SYT16: variants seen among roughly 807,000 people sequenced by gnomAD.
The protein encoded by SYT16 is synaptotagmin 16, also known as synaptotagmin-16.
SYT16 carries 42 observed loss-of-function variants against 61.4 expected under a neutral mutation model. The observed-to-expected ratio is 0.68, with a 90% CI of 0.53 to 0.89. The LOEUF is 0.89. SYT16 is among the 40% of genes least tolerant of loss of function. The probability of loss-of-function intolerance (pLI) is 0.00; values close to 1 mark genes in which losing one functional copy is unlikely to be tolerated. For synonymous variants in SYT16, 314 were observed against 302.3 expected (o/e 1.04, Z -0.40); for missense variants, 804 against 807.3 (o/e 1.00, Z 0.05).
At chr14:62,006,519 G>T (rs2053232670) in intron 3 of SYT16, among the ~76,000 whole-genome samples, 1 of 152,146 alleles carries the variant, frequency 6.6e-6, no homozygotes, top group African/African-American at 2.4e-5. Context: ...CAAAACAAGA[G>T]GGATGCTGAA....
chr14:62,081,256 G>A lies in SYT16; in HGVS notation c.1416G>A (p.Glu472=). ...EGEMKVTLVL[E]PRSNISSGGS... is the part of the protein sequence containing the mutation. ...AAATGAAAGTGACTCTGGTTCTGGA[G>A]CCAAGAAGTAATATAAGCGTGAGTA... The change falls in exon 6 of 8, where the codon GAG becomes GAA. Residue 472 remains glutamate (E), a synonymous_variant. Transcript: ENST00000683842. The A allele has an allele frequency of 6.2e-7, 1 of 1,613,702 alleles. No homozygotes were observed. Among genetic ancestry groups the A allele is most frequent in the Non-Finnish European group, 8.5e-7 (1 of 1,179,778 alleles).
In SYT16 at chr14:62,001,822, C is replaced by T. The variant is rs1277752873; in HGVS notation, c.523+5280C>T. Among the ~76,000 whole-genome samples the T allele has an allele frequency of 3.3e-5, 5 of 152,046 alleles. 1 individual carries two copies. The East Asian group carries it at 9.7e-4, about 30-fold the overall frequency. On this transcript the variant is annotated intron_variant, in intron 3 of 7. Transcript: ENST00000683842. Reference sequence around the variant, plus strand: ...GTTCAGCTTGGGTAGTACCTACTAACATATCTTCAAGTTTACTAATATTTT... The same window carrying T: ...GTTCAGCTTGGGTAGTACCTACTAATATATCTTCAAGTTTACTAATATTTT...
chr14:61,917,015 T>A (rs1005218968), intron 1 of SYT16, among the ~76,000 whole-genome samples: 2 of 152,204 alleles, frequency 1.3e-5, no homozygotes, highest in African/African-American at 4.8e-5. Context: ...GTTGATTTTA[T>A]ATTTTGGCTA....
intron 3 of SYT16, among the ~76,000 whole-genome samples, chr14:62,046,934 C>G (rs528975410): frequency 6.6e-5 from 10 of 152,270 alleles, no homozygotes; most frequent in African/African-American, 1.9e-4. Context: ...CTGGGCAATG[C>G]GGGCTCTTTT....
chr14:62,079,363 A>G, intron 5 of SYT16: 1 of 1,220,428 alleles, frequency 8.2e-7, no homozygotes, highest in Non-Finnish European at 1.1e-6. Context: ...TTAAAAGAAA[A>G]GGATATTTAT....
At chr14:61,998,120 T>C (rs2140639375) in intron 3 of SYT16, among the ~76,000 whole-genome samples, 1 of 152,144 alleles carries the variant, frequency 6.6e-6, no homozygotes, top group South Asian at 2.1e-4. Flanking sequence ...ACCTACCCAA[T>C]ATCCACATTT....
intron 1 of SYT16, among the ~76,000 whole-genome samples, chr14:61,899,429 A>G (rs943826802): frequency 1.6e-4 from 24 of 152,230 alleles, no homozygotes; most frequent in African/African-American, 5.8e-4. Flanking sequence ...GGCATGGGAT[A>G]CATAATGAAT....
rs982702913 is a variant in SYT16 at position 62,107,534 on chromosome 14, T to C, written c.*6827T>C. The C allele has an allele frequency of 1.3e-5, 2 of 152,170 alleles. No individual in the cohort carries two copies. Among genetic ancestry groups the C allele is most frequent in the African/African-American group, 2.4e-5 (1 of 41,442 alleles). 9.4% of individuals were successfully genotyped at this position (152,170 alleles called of 1,614,324 possible). A position where few individuals can be genotyped will look rare whatever the true frequency, so the allele number is the denominator to read the frequency against. On this transcript the variant is annotated 3_prime_UTR_variant, in exon 8 of 8. Transcript: ENST00000683842. ...ATAAAATAGTTTAAGTTCAACAATATTTTTTTGTTGTTTCTAAATATTCTT... is the reference window on the plus strand; with the variant it reads ...ATAAAATAGTTTAAGTTCAACAATACTTTTTTGTTGTTTCTAAATATTCTT...
intron 2 of SYT16, among the ~76,000 whole-genome samples, chr14:61,976,705 A>G (rs1310049172): frequency 6.6e-6 from 1 of 151,956 alleles, no homozygotes; most frequent in Non-Finnish European, 1.5e-5. Flanking sequence ...CTGGCCCACA[A>G]AAACATTTTG....
intron 1 of SYT16, among the ~76,000 whole-genome samples, chr14:61,910,757 G>A (rs765062377): frequency 2.0e-5 from 3 of 152,208 alleles, no homozygotes; most frequent in South Asian, 2.1e-4. Context: ...TTGAACTCCT[G>A]ACCGCAAGTG....
intron 3 of SYT16, among the ~76,000 whole-genome samples, chr14:62,049,806 C>A (rs182016736): frequency 6.6e-6 from 1 of 152,218 alleles, no homozygotes; most frequent in African/African-American, 2.4e-5. Context: ...GGTTCCCACT[C>A]TCTTCTGGCT....
intron 1 of SYT16, among the ~76,000 whole-genome samples, chr14:61,954,364 T>C (rs550630669): frequency 7.3e-5 from 11 of 151,058 alleles, no homozygotes; most frequent in Admixed American, 5.9e-4. Flanking sequence ...TACAAACATC[T>C]AGTGACTGTG....
At chr14:62,035,540 G>A (rs2140825212) in intron 3 of SYT16, among the ~76,000 whole-genome samples, 1 of 152,252 alleles carries the variant, frequency 6.6e-6, no homozygotes. Flanking sequence ...CAGGTTTAGG[G>A]AAGAGAAGTG....
intron 3 of SYT16, among the ~76,000 whole-genome samples, chr14:62,012,211 A>T (rs1199667871): frequency 1.3e-5 from 2 of 152,194 alleles, no homozygotes; most frequent in Non-Finnish European, 2.9e-5. Flanking sequence ...TAATCAAAGT[A>T]TCAGCTGGGC....
rs568825476 is a variant in SYT16, at chr14:61,985,354, G to T, written c.-144-10522G>T. On this transcript the variant is annotated intron_variant, in intron 2 of 7. Transcript: ENST00000683842. ...TGCTGATGTGTTCATTCACAGGAGG[G>T]GGCCAGTATAAATAAGAATGTGAGT... Among the ~76,000 whole-genome samples the T allele has an allele frequency of 3.9e-5, 6 of 152,240 alleles. No homozygotes were observed. In the East Asian group the frequency reaches 7.7e-4, roughly 20 times the overall value.
chr14:62,032,581 TAATGATA>T (rs2054349420), intron 3 of SYT16, among the ~76,000 whole-genome samples: 1 of 152,084 alleles, frequency 6.6e-6, no homozygotes, highest in Non-Finnish European at 1.5e-5. Context: ...TCACATAGGG[TAATGATA>T]CTGAATAATG....
At chr14:61,880,597 A>G (rs1019450390) in intron 1 of SYT16, among the ~76,000 whole-genome samples, 4 of 152,222 alleles carry the variant, frequency 2.6e-5, no homozygotes, top group African/African-American at 7.2e-5. Flanking sequence ...CTACTCATTA[A>G]CACATATATT....
intron 1 of SYT16, among the ~76,000 whole-genome samples, chr14:61,882,516 T>C (rs924672427): frequency 8.5e-5 from 13 of 152,166 alleles, no homozygotes; most frequent in Non-Finnish European, 1.9e-4. Flanking sequence ...CACCTAGTCT[T>C]GCCCTTAACA....
At chr14:61,838,398 A>G (rs1473640542) in intron 1 of SYT16, among the ~76,000 whole-genome samples, 1 of 152,150 alleles carries the variant, frequency 6.6e-6, no homozygotes, top group Non-Finnish European at 1.5e-5. Context: ...GATCCCCAGC[A>G]ACTAGGCTGT....
Sources: gnomAD v4.1 joint callset for allele counts (sites outside exome capture counted in the v4.1 genomes callset) on GRCh38, gnomAD v4.1.1 for gene constraint, MANE v1.5 for transcripts, NCBI Gene and HGNC (gene_info 2026-07-23, HGNC 2026-07-21) for gene names.